The following GALNT10 variants were observed in gnomAD, a reference collection of about 807,000 sequenced individuals.
The protein encoded by GALNT10 is polypeptide N-acetylgalactosaminyltransferase 10.
Under a neutral mutation model 75.0 loss-of-function variants are expected in GALNT10, and 41 were observed. The observed-to-expected ratio is 0.55, with a 90% confidence interval of 0.43 to 0.71. The LOEUF (loss-of-function observed/expected upper bound fraction) is 0.71, where lower values mean the gene tolerates loss of function less well. Among genes scored for constraint, GALNT10 ranks in the 30% least tolerant of loss-of-function variants. The probability of loss-of-function intolerance (pLI) is 0.00; values close to 1 mark genes in which losing one functional copy is unlikely to be tolerated. For synonymous variants in GALNT10, 302 were observed against 313.0 expected (o/e 0.96, Z 0.37); for missense variants, 727 against 818.5 (o/e 0.89, Z 1.36).
At chr5:154,274,061 T>C (rs564209412) in intron 1 of GALNT10, among the ~76,000 whole-genome samples, 2 of 152,350 alleles carry the variant, frequency 1.3e-5, no homozygotes, top group East Asian at 1.9e-4. Flanking sequence ...TAGGGCATTC[T>C]AGCCCTGTAG....
intron 6 of GALNT10, among the ~76,000 whole-genome samples, chr5:154,381,272 C>T (rs953798809): frequency 2.0e-5 from 3 of 152,160 alleles, no homozygotes; most frequent in Non-Finnish European, 4.4e-5. Context: ...AAGGAACCTA[C>T]CAGTGAAGAA....
At chr5:154,312,690 AC>A (rs1401255978) in intron 3 of GALNT10, among the ~76,000 whole-genome samples, 22 of 152,162 alleles carry the variant, frequency 1.4e-4, no homozygotes, top group Non-Finnish European at 1.8e-4. Flanking sequence ...GTGGCAAAAA[AC>A]ATCCTGGAAC....
intron 1 of GALNT10, among the ~76,000 whole-genome samples, chr5:154,235,274 T>G (rs565644362): frequency 6.6e-6 from 1 of 152,320 alleles, no homozygotes; most frequent in South Asian, 2.1e-4. Flanking sequence ...GGGGGCCTTC[T>G]TGGTCTCAGT....
intron 8 of GALNT10, among the ~76,000 whole-genome samples, chr5:154,406,917 T>C (rs1006533573): frequency 7.9e-5 from 12 of 152,090 alleles, no homozygotes; most frequent in African/African-American, 2.7e-4. Context: ...GAGAGCCAGA[T>C]AGAGAGAGAA....
Position 154,380,534 on chromosome 5 carries a change from G to A in GALNT10, c.841G>A (p.Gly281Arg). ...CGACTTTCGGTACGAGACACAGGCA[G>A]GGGATGCCATGCGGGGAGCCTTTGA... ...HDDFRYETQA[G>R]DAMRGAFDWE... is the part of the protein sequence containing the mutation. Residue 281 changes from glycine (G) to arginine (R), a missense_variant, in exon 6 of 12, where the codon GGG (glycine) becomes AGG (arginine). By Grantham distance (125) the Gly-to-Arg change is moderately radical. Coordinates refer to ENST00000297107, the MANE Select transcript of GALNT10 (RefSeq NM_198321.4). 6.2e-7 allele frequency: 1 copy of A among 1,613,812 alleles called. No individual in the cohort carries two copies. The highest frequency in any genetic ancestry group is 8.5e-7 in the Non-Finnish European group (1 of 1,179,700).
At chr5:154,405,552 C>T (rs1315586391) in intron 8 of GALNT10, among the ~76,000 whole-genome samples, 1 of 152,080 alleles carries the variant, frequency 6.6e-6, no homozygotes, top group African/African-American at 2.4e-5. Context: ...GCAGGAAAAG[C>T]GCACGCTCTC....
intron 1 of GALNT10, among the ~76,000 whole-genome samples, chr5:154,213,933 C>T (rs1379356815): frequency 6.6e-6 from 1 of 152,134 alleles, no homozygotes; most frequent in Admixed American, 6.5e-5. Context: ...CCCCAAGGGT[C>T]TCTTTTGCAA....
At chr5:154,350,006 A>G (rs1468750351) in intron 4 of GALNT10, among the ~76,000 whole-genome samples, 1 of 152,242 alleles carries the variant, frequency 6.6e-6, no homozygotes, top group Non-Finnish European at 1.5e-5. Context: ...CACATGCTCA[A>G]TAGCCGTATG....
chr5:154,254,789 C>T (rs1383142466), intron 1 of GALNT10, among the ~76,000 whole-genome samples: 2 of 152,040 alleles, frequency 1.3e-5, no homozygotes, highest in African/African-American at 2.4e-5. Context: ...AAACTCTATT[C>T]GAAATGACCA....
intron 4 of GALNT10, among the ~76,000 whole-genome samples, chr5:154,364,254 C>G (rs139208838): frequency 0.013 from 1,990 of 152,272 alleles, 24 homozygotes; most frequent in Non-Finnish European, 0.022. Flanking sequence ...AGAGATGGTT[C>G]TGGAAAGGTT....
At chr5:154,365,205 G>A (rs1240548672) in intron 4 of GALNT10, among the ~76,000 whole-genome samples, 1 of 152,198 alleles carries the variant, frequency 6.6e-6, no homozygotes, top group Non-Finnish European at 1.5e-5. Context: ...GGATGTGACT[G>A]CTTGAAGAAG....
At chr5:154,226,572 T>C (rs1159911706) in intron 1 of GALNT10, among the ~76,000 whole-genome samples, 7 of 152,250 alleles carry the variant, frequency 4.6e-5, no homozygotes, top group Admixed American at 3.9e-4. Flanking sequence ...ATTATTGCTT[T>C]AAATGACATC....
intron 1 of GALNT10, among the ~76,000 whole-genome samples, chr5:154,258,534 A>G (rs1401885893): frequency 6.6e-6 from 1 of 152,164 alleles, no homozygotes. Flanking sequence ...AGATTGGTGA[A>G]GTCTTTGGGA....
rs146242341 is a variant in GALNT10 at position 154,245,268 on chromosome 5, C to T, written c.160-49548C>T. 1.0e-3 allele frequency among the ~76,000 whole-genome samples: 155 copies of T among 152,258 alleles called. 1 individual carries two copies. Among genetic ancestry groups the T allele is most frequent in the African/African-American group, 3.5e-3 (144 of 41,544 alleles). ...AAGAGTCCAAGAGGTGGAGTCAGCACGACTTGGTCACCAGTCGGATACGGG... is the reference window on the plus strand; with the variant it reads ...AAGAGTCCAAGAGGTGGAGTCAGCATGACTTGGTCACCAGTCGGATACGGG... On this transcript the variant is annotated intron_variant, in intron 1 of 11. Coordinates refer to ENST00000297107, the MANE Select transcript of GALNT10 (RefSeq NM_198321.4).
chr5:154,193,240 C>G (rs1293457142), intron 1 of GALNT10, among the ~76,000 whole-genome samples: 1 of 152,168 alleles, frequency 6.6e-6, no homozygotes, highest in Non-Finnish European at 1.5e-5. Context: ...GGAGCTGTTT[C>G]CCCAATGATA....
rs1181222006 is a variant in GALNT10, at chr5:154,417,145, T to C, written c.*173T>C. The C allele has an allele frequency of 1.3e-5, 8 of 614,618 alleles. No individual in the cohort carries two copies. The highest frequency in any genetic ancestry group is 2.3e-5 in the Non-Finnish European group (8 of 348,818). 38.1% of individuals were successfully genotyped at this position (614,618 alleles called of 1,614,324 possible). On this transcript the variant is annotated 3_prime_UTR_variant, in exon 12 of 12. Coordinates refer to ENST00000297107, the MANE Select transcript of GALNT10 (RefSeq NM_198321.4). ...GGGGTCTGCCTGGTCCTTGAGCCCC[T>C]GAGTTGTGGGGGTAGGGTGAAGAGC...
chr5:154,357,132 C>G (rs981021457), intron 4 of GALNT10, among the ~76,000 whole-genome samples: 2 of 152,212 alleles, frequency 1.3e-5, no homozygotes, highest in African/African-American at 4.8e-5. Context: ...ATTGGCTCAG[C>G]CCATCCCAGA....
chr5:154,332,851 C>T (rs966641197), intron 4 of GALNT10, among the ~76,000 whole-genome samples: 12 of 152,172 alleles, frequency 7.9e-5, no homozygotes, highest in African/African-American at 2.9e-4. Flanking sequence ...GCACCAGCTG[C>T]CCTGGGGTTG....
intron 4 of GALNT10, among the ~76,000 whole-genome samples, chr5:154,365,074 A>G (rs1001999286): frequency 6.6e-6 from 1 of 152,222 alleles, no homozygotes; most frequent in Non-Finnish European, 1.5e-5. Flanking sequence ...AAAAGTGCAG[A>G]CAGGGCTGCC....
Sources: allele counts gnomAD v4.1 joint callset (sites outside exome capture counted in the v4.1 genomes callset), GRCh38; gene constraint gnomAD v4.1.1; transcripts MANE v1.5; gene names NCBI Gene and HGNC (gene_info 2026-07-23, HGNC 2026-07-21).